INSR: variants seen among roughly 807,000 people sequenced by gnomAD.
The protein encoded by INSR is insulin receptor.
Under a neutral mutation model 142.6 loss-of-function variants are expected in INSR, and 67 were observed. The observed-to-expected ratio is 0.47, with a 90% CI of 0.39 to 0.58. INSR has a LOEUF of 0.58. INSR is among the 20% of genes least tolerant of loss of function. The pLI is 0.00. For missense variants in INSR, 1,248 were observed against 1,833.2 expected, an observed-to-expected ratio of 0.68 and a Z score of 5.83; for synonymous variants, 756 against 743.1, an observed-to-expected ratio of 1.02 and a Z score of -0.28.
rs767977428 is a variant in INSR, at chr19:7,142,792, C to T, written c.2542+24G>A. The stretch of plus-strand genomic sequence containing the variant: ...GCCTTGATGTCCCACCCATGACACT[C>T]GGACCCCGGAGCAGCAGCCCTACCT... On this transcript the variant is annotated intron_variant, in intron 12 of 21. Transcript: ENST00000302850. The T allele has an allele frequency of 5.0e-6, 8 of 1,613,122 alleles. No homozygotes were observed. In the East Asian group the frequency reaches 1.1e-4, roughly 22 times the overall value.
At chr19:7,250,375 G>A (rs1333748568) in intron 2 of INSR, among the ~76,000 whole-genome samples, 5 of 125,554 alleles carry the variant, frequency 4.0e-5, no homozygotes, top group South Asian at 2.5e-4. Flanking sequence ...AAGGAGGAGG[G>A]AGAGAGGAAG....
At chr19:7,124,606 T>A (rs1451726019) in intron 17 of INSR, among the ~76,000 whole-genome samples, 1 of 40,612 alleles carries the variant, frequency 2.5e-5, no homozygotes. Flanking sequence ...TATATATATA[T>A]ATATATATAT....
In INSR at chr19:7,150,364, C is replaced by T. The variant is rs944453219; in HGVS notation, c.2267+133G>A. On this transcript the variant is annotated intron_variant, in intron 11 of 21. Transcript: ENST00000302850. This position sits in a 1 kb window ranked among gnomAD's most constrained non-coding sequence, Gnocchi z 4.2. Reference sequence around the variant, plus strand: ...GCATTGGATTTCTGAATTGGTGAAGCATCTGCTCTCCAGCACAGCTGCCCG... The same window carrying T: ...GCATTGGATTTCTGAATTGGTGAAGTATCTGCTCTCCAGCACAGCTGCCCG... 1.9e-5 allele frequency: 14 copies of T among 746,940 alleles called. No individual in the cohort carries two copies. The African/African-American group carries it at 2.4e-4, about 13-fold the overall frequency. The allele number at this position is 746,940 out of a possible 1,614,324, so 46.3% of individuals were successfully genotyped here.
intron 2 of INSR, among the ~76,000 whole-genome samples, chr19:7,215,152 C>A (rs1159884797): frequency 6.6e-6 from 1 of 151,990 alleles, no homozygotes; most frequent in Non-Finnish European, 1.5e-5. Flanking sequence ...AAAGGTCATA[C>A]AGCAAAGAAG....
Position 7,263,155 on chromosome 19 carries a change from A to G in INSR, c.652+4190T>C, listed in dbSNP as rs1025694301. Among the ~76,000 whole-genome samples, 8 of 151,928 alleles carry G rather than the reference A, an allele frequency of 5.3e-5. 1 individual carries two copies. The South Asian group carries it at 6.2e-4, about 12-fold the overall frequency. The stretch of plus-strand genomic sequence containing the variant: ...TAGCCGGGCATGGTGGCTGGTGCCT[A>G]TAAGTCCCAGTCACTCGGAAGGCTG... On this transcript the variant is annotated intron_variant, in intron 2 of 21. Coordinates refer to ENST00000302850, the MANE Select transcript of INSR (RefSeq NM_000208.4).
At chr19:7,126,828 G>C (rs1972657719) in intron 15 of INSR, among the ~76,000 whole-genome samples, 177 bp from the exon 16 acceptor site, 1 of 152,112 alleles carries the variant, frequency 6.6e-6, no homozygotes, top group Non-Finnish European at 1.5e-5. Context: ...AAGCCCATCA[G>C]ACAGGTATGT....
intron 11 of INSR, among the ~76,000 whole-genome samples, chr19:7,147,438 G>A (rs551921476): frequency 6.6e-6 from 1 of 152,262 alleles, no homozygotes; most frequent in East Asian, 1.9e-4. Flanking sequence ...GCCTCCCAAA[G>A]TGCTGCGATT....
Position 7,260,880 on chromosome 19 carries a change from C to CT in INSR, c.652+6464dup, listed in dbSNP as rs10628444. Among the ~76,000 whole-genome samples, 253 of 144,370 alleles carry CT rather than the reference C, an allele frequency of 1.8e-3. 1 individual carries two copies. Among genetic ancestry groups the CT allele is most frequent in the South Asian group, 0.015 (69 of 4,486 alleles). 94.7% of individuals were successfully genotyped at this position (144,370 alleles called of 152,430 possible). ...CGGTGCTGCTTGCCTCAAAGAACTT[C>CT]TTTTTTTTTTTTTTAAAGACAGAGT... On this transcript the variant is annotated intron_variant, in intron 2 of 21. Coordinates refer to ENST00000302850, the MANE Select transcript of INSR (RefSeq NM_000208.4).
chr19:7,153,347 C>T (rs1568449910), intron 9 of INSR, among the ~76,000 whole-genome samples: 37 of 2,802 alleles, frequency 0.013, 1 homozygote, highest in Non-Finnish European at 0.022. Context: ...CCACACACCA[C>T]AGACCACACA....
At chr19:7,128,031 C>T (rs1289335013) in intron 15 of INSR, among the ~76,000 whole-genome samples, 2 of 151,456 alleles carry the variant, frequency 1.3e-5, no homozygotes, top group African/African-American at 2.4e-5. Context: ...TGTGAGCCAC[C>T]GTGCCCAGCT....
Position 7,163,161 on chromosome 19 carries a change from A to C in INSR, c.1900T>G (p.Ser634Ala), listed in dbSNP as rs1403754849. The change falls in exon 9 of 22, where the codon TCA becomes GCA. Residue 634 changes from serine (S) to alanine (A), a missense_variant. Around this residue, in one of 3 missense-constraint regions of INSR, gnomAD observed 1,069 missense variants for 1,654.0 expected, o/e 0.65. Transcript: ENST00000302850. The part of the protein sequence containing the change: ...VPLDPISVSN[S>A]SSQIILKWKP... ...CACTTCAGAATAATCTGGGATGATG[A>C]GTTAGACACTGAGATTGGATCCAGG... 1 of 1,613,796 alleles carries C rather than the reference A, an allele frequency of 6.2e-7. No individual in the cohort carries two copies. Among genetic ancestry groups the C allele is most frequent in the Non-Finnish European group, 8.5e-7 (1 of 1,179,816 alleles).
At chr19:7,245,154 T>C (rs1403292408) in intron 2 of INSR, among the ~76,000 whole-genome samples, 1 of 151,946 alleles carries the variant, frequency 6.6e-6, no homozygotes, top group South Asian at 2.1e-4. Context: ...GCCAGGATGG[T>C]CTCGATCTCC....
intron 2 of INSR, among the ~76,000 whole-genome samples, chr19:7,197,580 GT>G (rs756440371): frequency 0.3 from 6,136 of 20,680 alleles, 1,713 homozygotes; most frequent in African/African-American, 0.4. Context: ...GTGTTTGGGT[GT>G]GTGTGTGTGT....
intron 14 of INSR, among the ~76,000 whole-genome samples, chr19:7,131,687 C>T (rs1599881137): frequency 8.2e-6 from 1 of 122,022 alleles, no homozygotes; most frequent in African/African-American, 3.2e-5. Flanking sequence ...ACCTCTGAAA[C>T]TTTTTTTTTT....
At chr19:7,139,290 C>A (rs1251322637) in intron 13 of INSR, among the ~76,000 whole-genome samples, 1 of 152,168 alleles carries the variant, frequency 6.6e-6, no homozygotes, top group African/African-American at 2.4e-5. Flanking sequence ...CCTTTGGGGG[C>A]AGTTTGTTAC....
chr19:7,153,448 C>CATG (rs1318820847), intron 9 of INSR, among the ~76,000 whole-genome samples: 5 of 133,712 alleles, frequency 3.7e-5, no homozygotes, highest in South Asian at 2.4e-4. Context: ...ACACACACCA[C>CATG]CACACCCACG....
intron 3 of INSR, among the ~76,000 whole-genome samples, chr19:7,175,204 G>A (rs1411330299): frequency 2.6e-5 from 4 of 151,968 alleles, no homozygotes; most frequent in East Asian, 1.9e-4. Flanking sequence ...AGGACATATC[G>A]CTTGATTGTT....
chr19:7,207,930 A>AGGG lies in INSR; in HGVS notation c.653-23294_653-23293insCCC, dbSNP rs1568486934. Among the ~76,000 whole-genome samples, 96 of 127,800 alleles carry AGGG rather than the reference A, an allele frequency of 7.5e-4. 1 individual carries two copies. Among genetic ancestry groups the AGGG allele is most frequent in the African/African-American group, 2.6e-3 (87 of 33,558 alleles). The allele number at this position is 127,800 out of a possible 152,430, so 83.8% of individuals were successfully genotyped here. On this transcript the variant is annotated intron_variant, in intron 2 of 21. Transcript: ENST00000302850. Reference sequence around the variant, plus strand: ...GAAGGAAGGAAGGAAGGAAGGAAGGAAGGAAGGAAGGGAAGGAGGGAGGGA... The same window carrying AGGG: ...GAAGGAAGGAAGGAAGGAAGGAAGGAGGGAGGAAGGAAGGGAAGGAGGGAGGGA...
At chr19:7,141,012 G>C (rs1161016590) in intron 13 of INSR, among the ~76,000 whole-genome samples, 1 of 152,104 alleles carries the variant, frequency 6.6e-6, no homozygotes, top group Non-Finnish European at 1.5e-5. Context: ...TGGCTCAATG[G>C]AAGCATCTAA....
Sources: gnomAD v4.1 joint callset for allele counts (sites outside exome capture counted in the v4.1 genomes callset) on GRCh38, gnomAD v4.1.1 for gene constraint, gnomAD v4.1.1 regional missense constraint, Gnocchi (gnomAD v3.1) non-coding constraint, MANE v1.5 for transcripts, NCBI Gene and HGNC (gene_info 2026-07-23, HGNC 2026-07-21) for gene names.